The following BRF1 variants were observed in gnomAD, a reference collection of about 807,000 sequenced individuals.
The protein encoded by BRF1 is transcription factor IIIB 90 kDa subunit.
A neutral mutation model predicts 81.7 loss-of-function variants in BRF1; 59 were observed. The observed-to-expected ratio is 0.72, with a 90% CI of 0.59 to 0.90. BRF1 has a LOEUF of 0.90. Among genes scored for constraint, BRF1 ranks in the 40% least tolerant of loss-of-function variants. The pLI is 0.00. For missense variants in BRF1, 1,050 were observed against 936.3 expected (o/e 1.12, Z -1.58); for synonymous variants, 491 against 395.6 (o/e 1.24, Z -2.86).
At position 105,315,115 on chromosome 14, in the gene BRF1, T is replaced by G; in HGVS notation, c.-162+207A>C. The G allele has an allele frequency of 2.3e-6, 2 of 886,106 alleles. No homozygotes were observed. The highest frequency in any genetic ancestry group is 2.7e-6 in the Non-Finnish European group (2 of 729,698). The allele number at this position is 886,106 out of a possible 1,614,324, so 54.9% of individuals were successfully genotyped here. A position where few individuals can be genotyped will look rare whatever the true frequency, so the allele number is the denominator to read the frequency against. ...CTGGCCGCGGCCTCTGCGCGCCCCA[T>G]CCCCGGCCCGGGTCCCCCAGCGGAG... On this transcript the variant is annotated intron_variant, in intron 1 of 17. Coordinates refer to the BRF1 transcript ENST00000327359. The surrounding 1 kb of genome is among the most constrained non-coding windows in gnomAD (Gnocchi z 4.4).
chr14:105,223,553 CAT>C (rs1356462708), intron 10 of BRF1, among the ~76,000 whole-genome samples: 3 of 152,258 alleles, frequency 2.0e-5, no homozygotes, highest in Non-Finnish European at 4.4e-5. Flanking sequence ...AAGGGAAAAA[CAT>C]ATACTATGTG....
rs1183617977 is a variant in BRF1, at chr14:105,217,782, G to A, written c.1534C>T (p.Arg512Ter). Residue 512 changes from arginine (R) to a stop codon, truncating the protein, a stop_gained, in exon 15 of 18, where the codon CGA becomes TGA. Coordinates refer to ENST00000547530, the MANE Select transcript of BRF1 (RefSeq NM_001519.4). LOFTEE classifies it high-confidence loss of function. ...KEHKPKKSCK[R>*]REPIQASTAR... is the part of the protein sequence containing the mutation. Reference sequence around the variant, plus strand: ...GTACTGGCCTGAATTGGCTCCCGTCGCTTGCAAGACTTCTTGGGCTTGAGG... The same window carrying A: ...GTACTGGCCTGAATTGGCTCCCGTCACTTGCAAGACTTCTTGGGCTTGAGG... 1.9e-6 allele frequency: 3 copies of A among 1,612,516 alleles called. No individual in the cohort carries two copies. Among genetic ancestry groups the A allele is most frequent in the Admixed American group, 1.7e-5 (1 of 60,020 alleles).
At chr14:105,252,398 A>T (rs1000782191) in intron 5 of BRF1, 109 bp downstream of exon 5, 1 of 1,475,720 alleles carries the variant, frequency 6.8e-7, no homozygotes, top group Non-Finnish European at 9.0e-7. Context: ...TCTTACCTTG[A>T]GGGGTCCCAT....
At chr14:105,241,219 C>G in intron 6 of BRF1, 46 bp downstream of exon 6, 2 of 1,599,572 alleles carry the variant, frequency 1.3e-6, no homozygotes, top group Non-Finnish European at 1.7e-6. Flanking sequence ...AAGTGTGAGG[C>G]CAGGACCCAG....
At chr14:105,286,744 T>C (rs1156702830) in intron 1 of BRF1, among the ~76,000 whole-genome samples, 1 of 152,224 alleles carries the variant, frequency 6.6e-6, no homozygotes, top group Non-Finnish European at 1.5e-5. Context: ...TAGCTGGGAC[T>C]ATAGGTGCCC....
chr14:105,313,979 T>C (rs961429505), intron 1 of BRF1, among the ~76,000 whole-genome samples: 2 of 152,258 alleles, frequency 1.3e-5, no homozygotes, highest in Non-Finnish European at 2.9e-5. Context: ...CCCAGACATT[T>C]GTTCTCCATT....
intron 5 of BRF1, among the ~76,000 whole-genome samples, chr14:105,251,908 C>T (rs1474558005): frequency 6.6e-6 from 1 of 151,988 alleles, no homozygotes; most frequent in Non-Finnish European, 1.5e-5. Flanking sequence ...TTACCCTACA[C>T]CTAACACACA....
At chr14:105,248,648 CGCAGGGGCGGGGGTG>C (rs1348277392) in intron 5 of BRF1, 6 of 980,202 alleles carry the variant, frequency 6.1e-6, no homozygotes, top group African/African-American at 1.8e-5. Context: ...CGGGCAGGGT[CGCAGGGGCGGGGGTG>C]GCAGGGGAGC....
intron 3 of BRF1, among the ~76,000 whole-genome samples, chr14:105,258,627 G>A (rs1408588460): frequency 4.6e-5 from 7 of 151,468 alleles, no homozygotes; most frequent in African/African-American, 1.2e-4. Flanking sequence ...GTGAAACCCC[G>A]TCTCTACTAA....
At chr14:105,249,570 C>G in intron 5 of BRF1, 2 of 1,587,064 alleles carry the variant, frequency 1.3e-6, no homozygotes, top group South Asian at 2.3e-5. Flanking sequence ...CTGATGGACT[C>G]CTCTCCCAGG....
At chr14:105,281,336 C>CTGA (rs2057091447) in intron 2 of BRF1, among the ~76,000 whole-genome samples, 1 of 144,388 alleles carries the variant, frequency 6.9e-6, no homozygotes. Context: ...CTGCGTGATC[C>CTGA]TGAGCCCAGG....
At chr14:105,288,360 G>A (rs916855066) in intron 1 of BRF1, among the ~76,000 whole-genome samples, 6 of 152,186 alleles carry the variant, frequency 3.9e-5, no homozygotes, top group African/African-American at 1.4e-4. Flanking sequence ...GCTGAGGCAG[G>A]AGAATCGCTT....
intron 3 of BRF1, among the ~76,000 whole-genome samples, chr14:105,267,946 C>T (rs1261849008): frequency 6.7e-6 from 1 of 149,238 alleles, no homozygotes; most frequent in Non-Finnish European, 1.5e-5. Context: ...CGGCAGAGGC[C>T]TTGCTCCCAC....
At chr14:105,285,215 C>T (rs2057271182) in intron 2 of BRF1, among the ~76,000 whole-genome samples, 1 of 152,208 alleles carries the variant, frequency 6.6e-6, no homozygotes, top group African/African-American at 2.4e-5. Flanking sequence ...CAGCATAACA[C>T]TTTTGAAAGA....
rs906658770 is a variant in BRF1, at chr14:105,217,435, G to C, written c.1772+109C>G. 5.9e-5 allele frequency: 89 copies of C among 1,513,992 alleles called. 3 individuals carry two copies. The East Asian group carries it at 1.7e-3, about 29-fold the overall frequency. 93.8% of individuals were successfully genotyped at this position (1,513,992 alleles called of 1,614,324 possible). ...ATGCAGGTGGCAAATGCCACTCCAG[G>C]CACTTCTGTGGCCCCGGCTGGCCCC... On this transcript the variant is annotated intron_variant, in intron 15 of 17. Coordinates refer to ENST00000547530, the MANE Select transcript of BRF1 (RefSeq NM_001519.4).
At chr14:105,291,650 A>AT (rs1001678693) in intron 1 of BRF1, among the ~76,000 whole-genome samples, 7 of 151,440 alleles carry the variant, frequency 4.6e-5, no homozygotes, top group Non-Finnish European at 8.8e-5. Context: ...TCAAAAAAAA[A>AT]TTTTTTTTTA....
At chr14:105,257,390 A>G (rs8006066) in intron 3 of BRF1, among the ~76,000 whole-genome samples, 24 of 152,140 alleles carry the variant, frequency 1.6e-4, no homozygotes, top group Middle Eastern at 3.2e-3. Flanking sequence ...CTCGCAAGCA[A>G]TCAGATGGTT....
intron 5 of BRF1, chr14:105,248,641 G>T (rs2055330083): frequency 1.0e-6 from 1 of 980,130 alleles, no homozygotes; most frequent in African/African-American, 1.8e-5. Flanking sequence ...CTGGGCTCGG[G>T]CAGGGTCGCA....
intron 2 of BRF1, 123 bp from the exon 3 acceptor site, chr14:105,273,017 C>T: frequency 8.8e-7 from 1 of 1,139,828 alleles, no homozygotes; most frequent in Non-Finnish European, 1.2e-6. Context: ...TTTCTGAGCT[C>T]ACTTTTTATA....
Sources: gnomAD v4.1 joint callset for allele counts (sites outside exome capture counted in the v4.1 genomes callset) on GRCh38, gnomAD v4.1.1 for gene constraint, Gnocchi (gnomAD v3.1) non-coding constraint, MANE v1.5 for transcripts, NCBI Gene and HGNC (gene_info 2026-07-23, HGNC 2026-07-21) for gene names.